NSMCE2: variants seen among roughly 807,000 people sequenced by gnomAD.
NSMCE2 encodes the protein NSE2 SUMO ligase component of SMC5/6 complex.
NSMCE2 carries 24 observed loss-of-function variants against 23.8 expected under a neutral mutation model. That is an observed-to-expected ratio of 1.01 (90% CI 0.73 to 1.42). The LOEUF (loss-of-function observed/expected upper bound fraction) is 1.42. Among genes scored for constraint, NSMCE2 ranks in the 40% most tolerant of loss-of-function variants. NSMCE2 has a pLI of 0.00. For synonymous variants in NSMCE2, 92 were observed against 94.1 expected (o/e 0.98, Z 0.13); for missense variants, 284 against 296.5 (o/e 0.96, Z 0.31).
chr8:125,143,281 T>A (rs1324932548), intron 3 of NSMCE2, among the ~76,000 whole-genome samples: 1 of 152,198 alleles, frequency 6.6e-6, no homozygotes, highest in African/African-American at 2.4e-5. Context: ...AAAGAATAGA[T>A]GTCTTCTTTA....
chr8:125,129,544 C>CTGTGTGTGTG (rs10578122), intron 3 of NSMCE2, among the ~76,000 whole-genome samples: 4,782 of 145,414 alleles, frequency 0.033, 98 homozygotes, highest in Middle Eastern at 0.052. Context: ...AGATTTGGCT[C>CTGTGTGTGTG]TGTGTGTGTG....
chr8:125,218,174 C>G (rs1824684914), intron 5 of NSMCE2, among the ~76,000 whole-genome samples: 1 of 152,158 alleles, frequency 6.6e-6, no homozygotes, highest in Admixed American at 6.5e-5. Flanking sequence ...ATGCATCCCA[C>G]TTTAGAAACC....
intron 5 of NSMCE2, among the ~76,000 whole-genome samples, chr8:125,338,657 G>A (rs1052908094): frequency 7.9e-5 from 12 of 152,142 alleles, no homozygotes; most frequent in Non-Finnish European, 1.8e-4. Context: ...ATGAAAGCCT[G>A]GCATTATAAA....
intron 5 of NSMCE2, among the ~76,000 whole-genome samples, chr8:125,211,553 ACACATACAGAAGTC>A (rs1223230386): frequency 1.3e-5 from 2 of 152,254 alleles, no homozygotes; most frequent in East Asian, 3.8e-4. Context: ...GTGCACTGGT[ACACATACAGAAGTC>A]CACACAAGTA....
At chr8:125,159,736 G>T (rs527800094) in intron 4 of NSMCE2, among the ~76,000 whole-genome samples, 37 of 152,126 alleles carry the variant, frequency 2.4e-4, no homozygotes, top group African/African-American at 8.7e-4. Flanking sequence ...TCAGTTGGTG[G>T]ATCACTTGCG....
intron 5 of NSMCE2, among the ~76,000 whole-genome samples, chr8:125,215,310 C>T (rs1188088213): frequency 1.5e-4 from 22 of 148,254 alleles, no homozygotes; most frequent in African/African-American, 4.0e-4. Context: ...TTTGTTCTTG[C>T]GATAGTTTAC....
At chr8:125,299,044 AAAT>A (rs1446280131) in intron 5 of NSMCE2, among the ~76,000 whole-genome samples, 13 of 152,228 alleles carry the variant, frequency 8.5e-5, no homozygotes, top group Non-Finnish European at 1.8e-4. Context: ...TGCTAGTAAA[AAAT>A]AATGTTCTGT....
chr8:125,313,128 GGAAGGAAGGAGAAAGAAA>G (rs1829035190), intron 5 of NSMCE2, among the ~76,000 whole-genome samples: 1 of 132,972 alleles, frequency 7.5e-6, no homozygotes, highest in African/African-American at 2.8e-5. Flanking sequence ...AAAGAAGGAA[GGAAGGAAGGAGAAAGAAA>G]GAAGGAAGGA....
intron 7 of NSMCE2, 71 bp downstream of exon 7, chr8:125,357,889 AGAG>A: frequency 3.0e-6 from 3 of 1,011,108 alleles, no homozygotes; most frequent in Non-Finnish European, 4.7e-6. Flanking sequence ...TGTTCACGCT[AGAG>A]GAAGAGGCAC....
chr8:125,340,012 G>GTTTTTTTTT (rs752038710), intron 5 of NSMCE2, among the ~76,000 whole-genome samples: 12 of 102,856 alleles, frequency 1.2e-4, no homozygotes, highest in Non-Finnish European at 1.7e-4. Flanking sequence ...GTTTTTTTTT[G>GTTTTTTTTT]TTTTTTTTTT....
At chr8:125,217,658 G>GC (rs1554621479) in intron 5 of NSMCE2, among the ~76,000 whole-genome samples, 2 of 152,078 alleles carry the variant, frequency 1.3e-5, no homozygotes, top group Non-Finnish European at 2.9e-5. Flanking sequence ...GAGCCACCGC[G>GC]CCTGGCCCTG....
At chr8:125,326,824 C>T (rs553187277) in intron 5 of NSMCE2, among the ~76,000 whole-genome samples, 9 of 151,538 alleles carry the variant, frequency 5.9e-5, no homozygotes, top group East Asian at 3.9e-4. Context: ...GTCGTGGTGG[C>T]GGGCACTTGT....
chr8:125,234,775 A>C (rs1563735011), intron 5 of NSMCE2, among the ~76,000 whole-genome samples: 1 of 152,094 alleles, frequency 6.6e-6, no homozygotes, highest in Non-Finnish European at 1.5e-5. Flanking sequence ...GTAAACTTGG[A>C]GCTAGCTTTA....
chr8:125,155,156 C>CTGTGG (rs1471453387), intron 4 of NSMCE2, among the ~76,000 whole-genome samples: 1 of 152,110 alleles, frequency 6.6e-6, no homozygotes, highest in Non-Finnish European at 1.5e-5. Context: ...TTAATTACTG[C>CTGTGG]TGTGGTGTGT....
intron 5 of NSMCE2, among the ~76,000 whole-genome samples, chr8:125,330,006 C>G (rs1829811583): frequency 6.6e-6 from 1 of 151,840 alleles, no homozygotes; most frequent in Admixed American, 6.6e-5. Flanking sequence ...AATCATTGAC[C>G]CTGAGGTTGG....
intron 4 of NSMCE2, among the ~76,000 whole-genome samples, chr8:125,167,633 CAA>C (rs1334881348): frequency 1.4e-5 from 2 of 146,492 alleles, no homozygotes; most frequent in Non-Finnish European, 3.0e-5. Context: ...GACTCAGTCT[CAA>C]AAAAAAAATT....
chr8:125,309,905 C>A (rs1828914584), intron 5 of NSMCE2, among the ~76,000 whole-genome samples: 1 of 152,116 alleles, frequency 6.6e-6, no homozygotes, highest in Non-Finnish European at 1.5e-5. Context: ...CAAGAAGCAC[C>A]AGTCTGTGGT....
At chr8:125,288,229 GCTACTGC>G (rs1827974890) in intron 5 of NSMCE2, among the ~76,000 whole-genome samples, 1 of 152,082 alleles carries the variant, frequency 6.6e-6, no homozygotes, top group Non-Finnish European at 1.5e-5. Context: ...TCACCTTTAT[GCTACTGC>G]GTGAGCTCCC....
chr8:125,357,387 T>A (rs1164535801), intron 6 of NSMCE2, 68 bp downstream of exon 6: 13 of 1,130,438 alleles, frequency 1.2e-5, no homozygotes, highest in Admixed American at 1.8e-5. Flanking sequence ...AGGTTCCTGT[T>A]TGCTTTCTGG....
Sources: allele counts gnomAD v4.1 joint callset (sites outside exome capture counted in the v4.1 genomes callset), GRCh38; gene constraint gnomAD v4.1.1; transcripts MANE v1.5; gene names NCBI Gene and HGNC (gene_info 2026-07-23, HGNC 2026-07-21).